Variants in PIP5K1A observed in about 807,000 individuals in gnomAD.
PIP5K1A encodes phosphatidylinositol-4-phosphate 5-kinase type 1 alpha, also known as phosphatidylinositol 4-phosphate 5-kinase type-1 alpha.
In PIP5K1A, 46 loss-of-function variants were observed where a neutral mutation model predicts 72.9. The ratio of observed to expected loss-of-function variants is 0.63; its 90% confidence interval spans 0.50 to 0.81. The LOEUF (loss-of-function observed/expected upper bound fraction) is 0.81. PIP5K1A is among the 30% of genes least tolerant of loss of function. The probability of loss-of-function intolerance (pLI) is 0.00; values close to 1 mark genes in which losing one functional copy is unlikely to be tolerated. For synonymous variants in PIP5K1A, 228 were observed against 255.1 expected, an observed-to-expected ratio of 0.89 and a Z score of 1.01; for missense variants, 458 against 706.1, an observed-to-expected ratio of 0.65 and a Z score of 3.98.
intron 15 of PIP5K1A, among the ~76,000 whole-genome samples, chr1:151,247,276 G>C (rs587743349): frequency 7.3e-5 from 11 of 151,672 alleles, no homozygotes; most frequent in Admixed American, 1.3e-4. Flanking sequence ...CTACAGGTGC[G>C]TGCCACCACG....
chr1:151,227,179 G>A (rs1689274005), intron 3 of PIP5K1A, 141 bp from the exon 4 acceptor site: 15 of 597,230 alleles, frequency 2.5e-5, no homozygotes, highest in South Asian at 1.9e-4. Flanking sequence ...TATTTGCATG[G>A]GATAGATCTG....
chr1:151,217,670 C>T (rs2102286965), intron 1 of PIP5K1A, among the ~76,000 whole-genome samples: 1 of 152,328 alleles, frequency 6.6e-6, no homozygotes, highest in African/African-American at 2.4e-5. Context: ...CAGCACTGAC[C>T]TCCCAGGCCC....
intron 1 of PIP5K1A, among the ~76,000 whole-genome samples, chr1:151,203,923 C>A (rs1027272572): frequency 6.6e-6 from 1 of 152,010 alleles, no homozygotes. Context: ...AAATGGTCAT[C>A]GCTCACCTAT....
chr1:151,238,357 C>G (rs1370433050), intron 10 of PIP5K1A, 92 bp downstream of exon 10: 4 of 850,078 alleles, frequency 4.7e-6, no homozygotes, highest in Non-Finnish European at 2.0e-6. Context: ...CAAGTTCTTC[C>G]GGAAGCAAGA....
At chr1:151,234,655 A>G (rs182026525) in intron 8 of PIP5K1A, among the ~76,000 whole-genome samples, 159 bp downstream of exon 8, 5 of 152,090 alleles carry the variant, frequency 3.3e-5, no homozygotes, top group Non-Finnish European at 5.9e-5. Flanking sequence ...ATTCCTTTAC[A>G]TTTTTACTTT....
rs200575971 is a variant in PIP5K1A, at chr1:151,224,233, T to C, written c.86-12T>C. 2.5e-6 allele frequency: 4 copies of C among 1,612,048 alleles called. No individual in the cohort carries two copies. The highest frequency in any genetic ancestry group is 3.3e-5 in the Admixed American group (2 of 60,008). ...TGATACACTCTTATGATTGTTTTTTTTTCCCCCCTAGCAGCATCTGGAATC... is the reference window on the plus strand; with the variant it reads ...TGATACACTCTTATGATTGTTTTTTCTTCCCCCCTAGCAGCATCTGGAATC... On this transcript the variant is annotated splice_polypyrimidine_tract_variant and intron_variant, in intron 1 of 15. Transcript: ENST00000368888.
chr1:151,220,804 G>A (rs1202518020), intron 1 of PIP5K1A, among the ~76,000 whole-genome samples: 1 of 152,064 alleles, frequency 6.6e-6, no homozygotes, highest in South Asian at 2.1e-4. Context: ...TGCCAATCTT[G>A]CATCTATACT....
chr1:151,232,159 C>T, intron 5 of PIP5K1A, 89 bp from the exon 6 acceptor site: 1 of 857,316 alleles, frequency 1.2e-6, no homozygotes, highest in Non-Finnish European at 2.0e-6. Flanking sequence ...ACTCCCCCCA[C>T]CATGAGGTGA....
intron 1 of PIP5K1A, among the ~76,000 whole-genome samples, chr1:151,209,194 A>G (rs1253086712): frequency 1.3e-5 from 2 of 152,168 alleles, no homozygotes; most frequent in Non-Finnish European, 2.9e-5. Flanking sequence ...AACTAGGACC[A>G]GAGAGATTGC....
At chr1:151,195,462 C>G (rs587676632), upstream of PIP5K1A, 58 of 152,192 alleles carry the variant, frequency 3.8e-4, no homozygotes, top group African/African-American at 1.4e-3. Context: ...GGAATGTTAC[C>G]GGGGAGGAGT....
chr1:151,244,996 A>G (rs1190224681), intron 14 of PIP5K1A, among the ~76,000 whole-genome samples: 3 of 150,652 alleles, frequency 2.0e-5, no homozygotes, highest in African/African-American at 4.9e-5. Flanking sequence ...GTCTTAAACA[A>G]TCCTCCTCCC....
At chr1:151,234,758 T>G (rs1690617897) in intron 8 of PIP5K1A, among the ~76,000 whole-genome samples, 1 of 152,232 alleles carries the variant, frequency 6.6e-6, no homozygotes, top group Non-Finnish European at 1.5e-5. Context: ...CATACCAACA[T>G]CATCCTTCCT....
At chr1:151,214,006 A>C (rs1558250140) in intron 1 of PIP5K1A, among the ~76,000 whole-genome samples, 1 of 152,188 alleles carries the variant, frequency 6.6e-6, no homozygotes, top group Admixed American at 6.6e-5. Context: ...TATGTGTATA[A>C]GTTCATGTGA....
Position 151,246,933 on chromosome 1 carries a change from A to G in PIP5K1A, c.1654A>G (p.Lys552Glu). ...QMLTTSTTLE[K>E]LEVAESEFTH ...TTCTCCTGTTAGTACAACCTTGGAAAAGCTTGAAGTTGCAGAGTCAGAGTT... is the reference window on the plus strand; with the variant it reads ...TTCTCCTGTTAGTACAACCTTGGAAGAGCTTGAAGTTGCAGAGTCAGAGTT... The change falls in exon 15 of 16, where the codon AAG (lysine) becomes GAG (glutamate). Residue 552 changes from lysine to glutamate, a missense_variant. This residue lies in a region of PIP5K1A where 157 missense variants were observed against 175.5 expected (regional missense o/e 0.89). Coordinates refer to ENST00000368888, the MANE Select transcript of PIP5K1A (RefSeq NM_001135638.2). 6.2e-7 allele frequency: 1 copy of G among 1,613,524 alleles called. No individual in the cohort carries two copies. The highest frequency in any genetic ancestry group is 8.5e-7 in the Non-Finnish European group (1 of 1,179,566).
chr1:151,223,325 C>G (rs141006139), intron 1 of PIP5K1A, among the ~76,000 whole-genome samples: 2,810 of 134,472 alleles, frequency 0.021, 73 homozygotes, highest in African/African-American at 0.059. Context: ...ACTCCAGCCT[C>G]GGTGACCAGC....
At chr1:151,231,080 G>T (rs1178896776) in intron 4 of PIP5K1A, among the ~76,000 whole-genome samples, 2 of 152,024 alleles carry the variant, frequency 1.3e-5, no homozygotes, top group African/African-American at 4.8e-5. Context: ...CGTGGTGCAT[G>T]CCTGTAATCT....
rs1196969698 is a variant in PIP5K1A at position 151,249,137 on chromosome 1, T to C, written c.*1272T>C. 6.6e-6 allele frequency: 1 copy of C among 152,204 alleles called. No homozygotes were observed. The highest frequency in any genetic ancestry group is 1.5e-5 in the Non-Finnish European group (1 of 68,038). 9.4% of individuals were successfully genotyped at this position (152,204 alleles called of 1,614,324 possible). A position where few individuals can be genotyped will look rare whatever the true frequency, so the allele number is the denominator to read the frequency against. On this transcript the variant is annotated 3_prime_UTR_variant, in exon 16 of 16. Transcript: ENST00000368888. Reference sequence around the variant, plus strand: ...AAGGGGGCCTGGTATCTCAGGCAGATTGTTGAATTCCTGTTCTATCCCTTC... The same window carrying C: ...AAGGGGGCCTGGTATCTCAGGCAGACTGTTGAATTCCTGTTCTATCCCTTC...
chr1:151,243,927 A>T (rs1692118492), intron 14 of PIP5K1A, among the ~76,000 whole-genome samples: 2 of 152,166 alleles, frequency 1.3e-5, no homozygotes, highest in South Asian at 4.1e-4. Context: ...TGTGAAACAT[A>T]ATCTTCTGAA....
intron 1 of PIP5K1A, among the ~76,000 whole-genome samples, chr1:151,203,249 C>A (rs184861794): frequency 7.6e-4 from 115 of 152,198 alleles, no homozygotes; most frequent in Admixed American, 2.1e-3. Context: ...GCACTTGAGG[C>A]TGGGTACAAT....
Sources: allele counts gnomAD v4.1 joint callset (sites outside exome capture counted in the v4.1 genomes callset), GRCh38; gene constraint gnomAD v4.1.1; regional missense constraint gnomAD v4.1.1; transcripts MANE v1.5; gene names NCBI Gene and HGNC (gene_info 2026-07-23, HGNC 2026-07-21).